The following DHRS12 variants were observed in gnomAD, a reference collection of about 807,000 sequenced individuals.
DHRS12 encodes the protein dehydrogenase/reductase 12, also known as dehydrogenase/reductase SDR family member 12.
Under a neutral mutation model 32.1 loss-of-function variants are expected in DHRS12, and 29 were observed. The observed-to-expected ratio is 0.90, with a 90% CI of 0.67 to 1.23. The LOEUF is 1.23. DHRS12 is among the 50% of genes most tolerant of loss of function. The pLI is 0.00. For synonymous variants in DHRS12, 150 were observed against 135.9 expected (o/e 1.10, Z -0.72); for missense variants, 330 against 337.2 (o/e 0.98, Z 0.17).
At chr13:51,780,553 C>T (rs1399161683) in intron 4 of DHRS12, among the ~76,000 whole-genome samples, 1 of 152,196 alleles carries the variant, frequency 6.6e-6, no homozygotes, top group Non-Finnish European at 1.5e-5. Context: ...TTCCAAGGAA[C>T]TCATTATGTC....
intron 4 of DHRS12, among the ~76,000 whole-genome samples, chr13:51,783,946 T>G (rs1246542560): frequency 6.6e-6 from 1 of 152,254 alleles, no homozygotes; most frequent in East Asian, 1.9e-4. Context: ...GCTATAAACA[T>G]TCGTGTGCGT....
chr13:51,771,739 C>T (rs1246010892), intron 7 of DHRS12, 82 bp downstream of exon 7: 4 of 1,538,982 alleles, frequency 2.6e-6, no homozygotes, highest in Non-Finnish European at 3.6e-6. Context: ...TTAGGTCATT[C>T]CTGGGGAGAG....
rs529329247 is a variant in DHRS12 at position 51,796,094 on chromosome 13, A to G, written c.126+3440T>C. On this transcript the variant is annotated intron_variant, in intron 2 of 8. Coordinates refer to ENST00000444610, the MANE Select transcript of DHRS12 (RefSeq NM_001377533.1). ...GTTACCCCTATTTTTTAATGAGGAAATGAATGTTCAGGGAAGCTAAGAACT... is the reference window on the plus strand; with the variant it reads ...GTTACCCCTATTTTTTAATGAGGAAGTGAATGTTCAGGGAAGCTAAGAACT... Among the ~76,000 whole-genome samples, 3 of 152,330 alleles carry G rather than the reference A, an allele frequency of 2.0e-5. No homozygotes were observed. The South Asian group carries it at 6.2e-4, about 32-fold the overall frequency.
chr13:51,785,248 T>C (rs1323936331), intron 4 of DHRS12, among the ~76,000 whole-genome samples: 1 of 152,090 alleles, frequency 6.6e-6, no homozygotes, highest in Non-Finnish European at 1.5e-5. Context: ...AGAATGTTTA[T>C]GGAACAAATA....
At chr13:51,798,488 G>A (rs575362447) in intron 2 of DHRS12, among the ~76,000 whole-genome samples, 3 of 152,272 alleles carry the variant, frequency 2.0e-5, no homozygotes, top group East Asian at 1.9e-4. Flanking sequence ...AGCTAAGAAC[G>A]AATCGTTATG....
chr13:51,771,643 T>C (rs917180309), intron 7 of DHRS12, 178 bp downstream of exon 7: 5 of 1,403,482 alleles, frequency 3.6e-6, no homozygotes, highest in African/African-American at 1.4e-5. Flanking sequence ...GCTCTGTGTC[T>C]GTATGAGGCT....
the DHRS12 span, among the ~76,000 whole-genome samples, chr13:51,756,982 G>A: frequency 1.3e-5 from 2 of 152,210 alleles, no homozygotes; most frequent in Non-Finnish European, 2.9e-5. Context: ...TTGGTGTGCT[G>A]TGGAGGTGTG....
Position 51,790,085 on chromosome 13 carries a change from T to C in DHRS12, c.227A>G (p.Asn76Ser). ...TCTTTTATTGACCATGCAACCTGCA[T>C]TATTGATCTAAAATTTATAGTTCTC... ...QEHKLHVLIN[N>S]AGCMVNKREL... Residue 76 changes from asparagine (N) to serine (S), a missense_variant, in exon 4 of 9, where the codon AAT becomes AGT. By Grantham distance (46) the Asn-to-Ser change is conservative. Coordinates refer to ENST00000444610, the MANE Select transcript of DHRS12 (RefSeq NM_001377533.1). 1.9e-6 allele frequency: 3 copies of C among 1,583,672 alleles called. No individual in the cohort carries two copies. Among genetic ancestry groups the C allele is most frequent in the African/African-American group, 1.4e-5 (1 of 72,664 alleles).
chr13:51,800,919 ACTT>A (rs1419373444), intron 1 of DHRS12, among the ~76,000 whole-genome samples: 1 of 152,212 alleles, frequency 6.6e-6, no homozygotes, highest in Non-Finnish European at 1.5e-5. Flanking sequence ...GGCAAGCAAG[ACTT>A]CTTATTCCAA....
the DHRS12 span, chr13:51,759,980 G>C: frequency 2.0e-6 from 1 of 503,362 alleles, no homozygotes; most frequent in Non-Finnish European, 3.6e-6. Flanking sequence ...CAATATAAAA[G>C]AAGCTATTTT....
the DHRS12 span, chr13:51,760,245 G>C: frequency 6.5e-6 from 1 of 152,954 alleles, no homozygotes; most frequent in East Asian, 1.9e-4. Flanking sequence ...GCCTTTCCTG[G>C]AGGGGATGTA....
At chr13:51,759,854 CAT>C in the DHRS12 span, 3 of 1,425,876 alleles carry the variant, frequency 2.1e-6, no homozygotes, top group Non-Finnish European at 2.9e-6. Context: ...GTAAAGCAGA[CAT>C]GTGAGAAGTA....
At chr13:51,788,731 C>T (rs747193521) in intron 4 of DHRS12, among the ~76,000 whole-genome samples, 5 of 152,066 alleles carry the variant, frequency 3.3e-5, no homozygotes, top group South Asian at 4.2e-4. Flanking sequence ...CATGGTGGTA[C>T]ATGCCGTAGT....
At chr13:51,768,546 G>A in intron 8 of DHRS12, 2 of 1,363,378 alleles carry the variant, frequency 1.5e-6, no homozygotes, top group Non-Finnish European at 1.9e-6. Context: ...TGATCAGCAG[G>A]AAGGGGTGCG....
the DHRS12 span, among the ~76,000 whole-genome samples, chr13:51,758,680 C>G: frequency 6.6e-6 from 1 of 152,196 alleles, no homozygotes; most frequent in East Asian, 1.9e-4. Context: ...GAGCTCCAGC[C>G]TGCAAGGAAT....
chr13:51,790,387 C>T (rs1402903274), intron 3 of DHRS12, among the ~76,000 whole-genome samples: 2 of 152,094 alleles, frequency 1.3e-5, no homozygotes, highest in African/African-American at 4.8e-5. Context: ...ATAGAAATAT[C>T]TAATCTTAAG....
intron 4 of DHRS12, among the ~76,000 whole-genome samples, chr13:51,784,500 T>TG (rs146385637): frequency 0.013 from 1,906 of 151,946 alleles, 43 homozygotes; most frequent in African/African-American, 0.044. Flanking sequence ...GGACAGGAGG[T>TG]GGGGTCTGTA....
chr13:51,771,446 G>A, intron 7 of DHRS12: 1 of 1,614,194 alleles, frequency 6.2e-7, no homozygotes, highest in African/African-American at 1.3e-5. Context: ...GGAGTGGTGA[G>A]GCAGTCTGGG....
At chr13:51,796,999 T>G (rs1344132243) in intron 2 of DHRS12, among the ~76,000 whole-genome samples, 1 of 152,230 alleles carries the variant, frequency 6.6e-6, no homozygotes, top group East Asian at 1.9e-4. Flanking sequence ...GGGTGGGTAC[T>G]GTCTGTCCCT....
Sources: allele counts gnomAD v4.1 joint callset (sites outside exome capture counted in the v4.1 genomes callset), GRCh38; gene constraint gnomAD v4.1.1; transcripts MANE v1.5; gene names NCBI Gene and HGNC (gene_info 2026-07-23, HGNC 2026-07-21).